Variants in ASCC3 observed in about 807,000 individuals in gnomAD.
The protein encoded by ASCC3 is activating signal cointegrator 1 complex subunit 3.
ASCC3 carries 158 observed loss-of-function variants against 256.3 expected under a neutral mutation model. The observed-to-expected ratio is 0.62, with a 90% CI of 0.54 to 0.70. The LOEUF (loss-of-function observed/expected upper bound fraction) is 0.70. Among genes scored for constraint, ASCC3 ranks in the 30% least tolerant of loss-of-function variants. ASCC3 has a pLI of 0.00. For missense variants in ASCC3, 2,259 were observed against 2,626.0 expected (o/e 0.86, Z 3.05); for synonymous variants, 948 against 883.4 (o/e 1.07, Z -1.30).
intron 10 of ASCC3, among the ~76,000 whole-genome samples, chr6:100,728,489 A>G (rs1376865330): frequency 2.9e-4 from 44 of 152,068 alleles, no homozygotes. Context: ...TCCATTTCCT[A>G]ATATACTATA....
intron 4 of ASCC3, among the ~76,000 whole-genome samples, chr6:100,831,379 G>C (rs1029993179): frequency 6.6e-6 from 1 of 150,610 alleles, no homozygotes; most frequent in Non-Finnish European, 1.5e-5. Flanking sequence ...TTAAAAATAA[G>C]ACTAATATCT....
At chr6:100,617,070 T>C (rs959508056) in intron 30 of ASCC3, among the ~76,000 whole-genome samples, 1 of 152,126 alleles carries the variant, frequency 6.6e-6, no homozygotes, top group Non-Finnish European at 1.5e-5. Flanking sequence ...AGTGGCGCGA[T>C]CTTGGCTCAC....
chr6:100,563,666 G>C (rs1200700826), intron 36 of ASCC3, among the ~76,000 whole-genome samples: 2 of 152,036 alleles, frequency 1.3e-5, no homozygotes, highest in Non-Finnish European at 2.9e-5. Context: ...CAATGCCGAA[G>C]CCAGACTCAG....
At chr6:100,564,242 T>C (rs1395354653) in intron 36 of ASCC3, among the ~76,000 whole-genome samples, 1 of 152,046 alleles carries the variant, frequency 6.6e-6, no homozygotes, top group Non-Finnish European at 1.5e-5. Context: ...TTCTAACTAT[T>C]TGAAATATAC....
intron 30 of ASCC3, among the ~76,000 whole-genome samples, chr6:100,621,253 A>G (rs1408783423): frequency 6.6e-6 from 1 of 152,208 alleles, no homozygotes; most frequent in East Asian, 1.9e-4. Context: ...AATGGAAATG[A>G]CATAATATTT....
intron 13 of ASCC3, among the ~76,000 whole-genome samples, chr6:100,712,662 T>C (rs912326492): frequency 6.6e-6 from 1 of 151,784 alleles, no homozygotes; most frequent in Non-Finnish European, 1.5e-5. Flanking sequence ...CTAATGGGTA[T>C]GAAAAATGGT....
rs150832140 is a variant in ASCC3, at chr6:100,510,362, T to A, written c.6286-255A>T. ...GTAACTATCAGAATATATGGCCAGT[T>A]AGAATAAAAAACTCTGGATCTTGAC... On this transcript the variant is annotated intron_variant, in intron 40 of 41. Coordinates refer to ENST00000369162, the MANE Select transcript of ASCC3 (RefSeq NM_006828.4). 1,094 of 426,152 alleles carry A rather than the reference T, an allele frequency of 2.6e-3. 4 individuals carry two copies. Among genetic ancestry groups the A allele is most frequent in the Non-Finnish European group, 4.0e-3 (962 of 238,208 alleles). The allele number at this position is 426,152 out of a possible 1,614,324, so 26.4% of individuals were successfully genotyped here.
chr6:100,812,061 A>T (rs556551999), intron 4 of ASCC3, among the ~76,000 whole-genome samples: 50 of 152,302 alleles, frequency 3.3e-4, no homozygotes, highest in African/African-American at 1.1e-3. Flanking sequence ...CCAAAGATGC[A>T]TCTCCGTAAC....
In ASCC3 at chr6:100,608,091, T is replaced by TATATATACATATATATGTATATATCG. The variant is rs1773023430; in HGVS notation, c.4786-1004_4786-1003insCGATATATACATATATATGTATATAT. On this transcript the variant is annotated intron_variant, in intron 30 of 41. Transcript: ENST00000369162. Reference sequence around the variant, plus strand: ...ATATACATATATATGTATATATATCTATATACACATATATATGTATATATA... The same window carrying TATATATACATATATATGTATATATCG: ...ATATACATATATATGTATATATATCTATATATACATATATATGTATATATCGATATACACATATATATGTATATATA... Among the ~76,000 whole-genome samples, 4 of 91,386 alleles carry TATATATACATATATATGTATATATCG rather than the reference T, an allele frequency of 4.4e-5. 1 individual carries two copies. The Admixed American group carries it at 5.6e-4, about 13-fold the overall frequency. The allele number at this position is 91,386 out of a possible 152,430, so 60.0% of individuals were successfully genotyped here.
chr6:100,651,548 A>G lies in ASCC3; in HGVS notation c.3075+12T>C. 6.6e-7 allele frequency: 1 copy of G among 1,525,202 alleles called. No individual in the cohort carries two copies. Among genetic ancestry groups the G allele is most frequent in the South Asian group, 1.2e-5 (1 of 81,046 alleles). The allele number at this position is 1,525,202 out of a possible 1,614,324, so 94.5% of individuals were successfully genotyped here. A position where few individuals can be genotyped will look rare whatever the true frequency, so the allele number is the denominator to read the frequency against. On this transcript the variant is annotated intron_variant, in intron 19 of 41. Transcript: ENST00000369162. ...GTTGTATGCATTTGATTCAAATTTC[A>G]AGAAATCTTACCTTAATTTGATCAA...
At chr6:100,880,557 C>T (rs982670987) in intron 1 of ASCC3, among the ~76,000 whole-genome samples, 1 of 152,140 alleles carries the variant, frequency 6.6e-6, no homozygotes, top group Non-Finnish European at 1.5e-5. Flanking sequence ...TCCCTAGCAC[C>T]CACATACACA....
intron 36 of ASCC3, among the ~76,000 whole-genome samples, chr6:100,586,141 G>A (rs1013266808): frequency 1.3e-5 from 2 of 152,210 alleles, no homozygotes; most frequent in African/African-American, 4.8e-5. Flanking sequence ...TAAGTCTGCA[G>A]ACGTTACTGC....
chr6:100,855,301 G>A (rs1772891899), intron 3 of ASCC3, among the ~76,000 whole-genome samples: 1 of 152,026 alleles, frequency 6.6e-6, no homozygotes, highest in South Asian at 2.1e-4. Flanking sequence ...ATTTTTTGTA[G>A]AGATGGGGTT....
chr6:100,656,734 A>G (rs187175885), intron 16 of ASCC3, among the ~76,000 whole-genome samples: 12 of 151,544 alleles, frequency 7.9e-5, no homozygotes, highest in Middle Eastern at 3.8e-3. Context: ...TCTTAGAAAC[A>G]TATTTCCTTA....
intron 26 of ASCC3, 139 bp from the exon 27 acceptor site, chr6:100,629,320 CAAGTT>C: frequency 1.4e-6 from 1 of 734,982 alleles, no homozygotes; most frequent in Non-Finnish European, 2.2e-6. Context: ...TGAAATTTTC[CAAGTT>C]GAGTCCAAAA....
At chr6:100,539,766 TC>T in intron 37 of ASCC3, among the ~76,000 whole-genome samples, 1 of 152,274 alleles carries the variant, frequency 6.6e-6, no homozygotes, top group Non-Finnish European at 1.5e-5. Context: ...ATTTTACCAT[TC>T]TTTATTTTTT....
intron 4 of ASCC3, among the ~76,000 whole-genome samples, chr6:100,814,709 A>G (rs1443051394): frequency 6.6e-6 from 1 of 151,740 alleles, no homozygotes; most frequent in Non-Finnish European, 1.5e-5. Context: ...TTTCTTCTAA[A>G]TTTTCTAGTT....
At chr6:100,710,140 T>TA (rs1254158348) in intron 13 of ASCC3, among the ~76,000 whole-genome samples, 1 of 152,208 alleles carries the variant, frequency 6.6e-6, no homozygotes, top group Non-Finnish European at 1.5e-5. Flanking sequence ...AAAAGTTTGT[T>TA]AGTAGACTCT....
In ASCC3 at chr6:100,540,269, T is replaced by C. The variant is rs764609811; in HGVS notation, c.5669A>G (p.Lys1890Arg). The C allele has an allele frequency of 5.6e-6, 9 of 1,613,996 alleles. No homozygotes were observed. Among genetic ancestry groups the C allele is most frequent in the Non-Finnish European group, 7.6e-6 (9 of 1,179,962 alleles). ...NPHSFDSPHT[K>R]AHLLLQAHLS... ...ATGTGCCTGTAGCAGGAGATGTGCT[T>C]TGGTGTGAGGGCTGTCAAATGAATG... Residue 1890 changes from lysine to arginine, a missense_variant, in exon 37 of 42, where the codon AAA (lysine) becomes AGA (arginine). Around this residue, in one of 2 missense-constraint regions of ASCC3, gnomAD observed 1,839 missense variants for 2,206.7 expected, o/e 0.83. Transcript: ENST00000369162.
Sources: allele counts gnomAD v4.1 joint callset (sites outside exome capture counted in the v4.1 genomes callset), GRCh38; gene constraint gnomAD v4.1.1; regional missense constraint gnomAD v4.1.1; transcripts MANE v1.5; gene names NCBI Gene and HGNC (gene_info 2026-07-23, HGNC 2026-07-21).